CSMD3: variants seen among roughly 807,000 people sequenced by gnomAD.
The protein encoded by CSMD3 is CUB and sushi domain-containing protein 3.
CSMD3 carries 177 observed loss-of-function variants against 435.2 expected under a neutral mutation model. The ratio of observed to expected loss-of-function variants is 0.41; its 90% CI spans 0.36 to 0.46. CSMD3 has a LOEUF of 0.46. Among genes scored for constraint, CSMD3 ranks in the 20% least tolerant of loss-of-function variants. CSMD3 has a pLI of 0.34. For synonymous variants in CSMD3, 1,656 were observed against 1,520.5 expected, an observed-to-expected ratio of 1.09 and a Z score of -2.07; for missense variants, 4,265 against 4,504.6, an observed-to-expected ratio of 0.95 and a Z score of 1.52.
rs570165852 is a variant in CSMD3, at chr8:112,600,818, C to T, written c.3716-13583G>A. Among the ~76,000 whole-genome samples the T allele has an allele frequency of 3.9e-5, 6 of 151,942 alleles. No homozygotes were observed. In the South Asian group the frequency reaches 1.2e-3, roughly 32 times the overall value. On this transcript the variant is annotated intron_variant, in intron 22 of 70. Coordinates refer to ENST00000297405, the MANE Select transcript of CSMD3 (RefSeq NM_198123.2). ...TCAGCCTGCTGAGTAGCTGGGACTA[C>T]AGGCGCCCGCCACTACGCCCAGCTA...
At chr8:112,608,751 A>G (rs1295591928) in intron 22 of CSMD3, among the ~76,000 whole-genome samples, 1 of 152,096 alleles carries the variant, frequency 6.6e-6, no homozygotes, top group African/African-American at 2.4e-5. Flanking sequence ...TGAAGGGGAA[A>G]GAACAGTCTC....
chr8:113,035,526 C>T (rs2087306950), intron 5 of CSMD3, among the ~76,000 whole-genome samples: 1 of 151,888 alleles, frequency 6.6e-6, no homozygotes. Flanking sequence ...GGCCATGAAG[C>T]AACTTTTTGG....
At chr8:113,106,411 C>T (rs968480829) in intron 4 of CSMD3, among the ~76,000 whole-genome samples, 5 of 151,992 alleles carry the variant, frequency 3.3e-5, no homozygotes, top group African/African-American at 1.2e-4. Flanking sequence ...GCAATAGAAA[C>T]TATTCAGAAT....
chr8:112,251,548 G>A (rs945997363), intron 63 of CSMD3, among the ~76,000 whole-genome samples: 6 of 151,136 alleles, frequency 4.0e-5, no homozygotes, highest in African/African-American at 1.5e-4. Flanking sequence ...TATCATTTAA[G>A]GTAATAAAAC....
chr8:112,453,386 C>G (rs1226547255), intron 32 of CSMD3, among the ~76,000 whole-genome samples: 1 of 152,000 alleles, frequency 6.6e-6, no homozygotes, highest in Non-Finnish European at 1.5e-5. Flanking sequence ...CCAAAATGTA[C>G]CTAGACCTGA....
At chr8:113,039,895 G>A (rs1001887224) in intron 5 of CSMD3, among the ~76,000 whole-genome samples, 42 of 152,258 alleles carry the variant, frequency 2.8e-4, no homozygotes, top group Non-Finnish European at 3.4e-4. Flanking sequence ...TCTTACAAAA[G>A]TTAATTGAGC....
intron 11 of CSMD3, among the ~76,000 whole-genome samples, chr8:112,845,291 C>T (rs780358487): frequency 4.6e-5 from 7 of 151,954 alleles, no homozygotes; most frequent in Non-Finnish European, 7.4e-5. Flanking sequence ...AAAATAAGTG[C>T]ACAAACATGT....
intron 3 of CSMD3, among the ~76,000 whole-genome samples, chr8:113,191,872 T>C (rs2092590792): frequency 6.6e-6 from 1 of 151,764 alleles, no homozygotes; most frequent in Non-Finnish European, 1.5e-5. Flanking sequence ...TTCCCTCCAA[T>C]GCATGTGTTC....
At position 112,244,585 on chromosome 8, in the gene CSMD3, A is replaced by G; in HGVS notation, c.10223-12T>C. 1 of 1,612,304 alleles carries G rather than the reference A, an allele frequency of 6.2e-7. No individual in the cohort carries two copies. Reference sequence around the variant, plus strand: ...TTTACAGCTGTGGGCTATATTAAGAAAAGAGAACAATGTAAATTTTCTATA... The same window carrying G: ...TTTACAGCTGTGGGCTATATTAAGAGAAGAGAACAATGTAAATTTTCTATA... On this transcript the variant is annotated splice_polypyrimidine_tract_variant and intron_variant, in intron 64 of 70. Coordinates refer to ENST00000297405, the MANE Select transcript of CSMD3 (RefSeq NM_198123.2).
intron 30 of CSMD3, among the ~76,000 whole-genome samples, chr8:112,494,684 T>A (rs547538805): frequency 7.1e-4 from 108 of 152,076 alleles, no homozygotes; most frequent in Admixed American, 9.2e-4. Context: ...TACAGTCTCT[T>A]AAAGAAAGCA....
rs144008767 is a variant in CSMD3 at position 113,432,431 on chromosome 8, G to A, written c.178+4246C>T. ...CTGCAATGCGCAGCAATCCCTGTGC[G>A]TGCCCCTGTGTCAGCCCCTTAGCTG... is the stretch of plus-strand genomic sequence containing the variant. On this transcript the variant is annotated intron_variant, in intron 1 of 70. Coordinates refer to ENST00000297405, the MANE Select transcript of CSMD3 (RefSeq NM_198123.2). Among the ~76,000 whole-genome samples, 28 of 152,326 alleles carry A rather than the reference G, an allele frequency of 1.8e-4. No homozygotes were observed. The East Asian group carries it at 4.8e-3, about 26-fold the overall frequency.
intron 5 of CSMD3, among the ~76,000 whole-genome samples, chr8:113,092,280 T>C (rs776755658): frequency 3.3e-4 from 50 of 152,114 alleles, no homozygotes; most frequent in Middle Eastern, 3.2e-3. Flanking sequence ...ACTGTATCTA[T>C]CTGTGCCAGT....
At chr8:113,405,498 A>G (rs1360520932) in intron 1 of CSMD3, among the ~76,000 whole-genome samples, 2 of 151,704 alleles carry the variant, frequency 1.3e-5, no homozygotes, top group African/African-American at 2.4e-5. Flanking sequence ...GGGTGATTCT[A>G]TAGAAGTGTT....
chr8:112,809,484 G>T (rs1204503334), intron 12 of CSMD3, among the ~76,000 whole-genome samples: 1 of 152,134 alleles, frequency 6.6e-6, no homozygotes, highest in Non-Finnish European at 1.5e-5. Context: ...TCAACTGAAA[G>T]AAGAAATTCT....
intron 13 of CSMD3, among the ~76,000 whole-genome samples, chr8:112,799,288 AG>A (rs2078904754): frequency 6.6e-6 from 1 of 151,916 alleles, no homozygotes; most frequent in Non-Finnish European, 1.5e-5. Flanking sequence ...CAGAATCAAA[AG>A]CATGACAGTG....
Position 112,371,872 on chromosome 8 carries a change from A to G in CSMD3, c.6136+8480T>C, listed in dbSNP as rs146017837. On this transcript the variant is annotated intron_variant, in intron 38 of 70. Transcript: ENST00000297405. The stretch of plus-strand genomic sequence containing the variant: ...ACCATTGCACTCCAGCCTGAGCGAC[A>G]GAGTGAGACTCTGTCTCAAAAAAAA... 3.2e-3 allele frequency among the ~76,000 whole-genome samples: 491 copies of G among 152,160 alleles called. 4 individuals are homozygous for G. Among genetic ancestry groups the G allele is most frequent in the African/African-American group, 0.012 (478 of 41,534 alleles).
chr8:113,334,915 C>T (rs1032730217), intron 1 of CSMD3, among the ~76,000 whole-genome samples: 1 of 151,940 alleles, frequency 6.6e-6, no homozygotes, highest in Admixed American at 6.6e-5. Context: ...GATATCTCTC[C>T]TTTTAGTCCT....
chr8:113,283,481 C>G (rs572301019), intron 2 of CSMD3, among the ~76,000 whole-genome samples: 1 of 152,016 alleles, frequency 6.6e-6, no homozygotes, highest in African/African-American at 2.4e-5. Flanking sequence ...TGAAAAAATA[C>G]TCAACATCAC....
chr8:112,918,300 A>G (rs1194387161), intron 10 of CSMD3, among the ~76,000 whole-genome samples: 2 of 151,844 alleles, frequency 1.3e-5, no homozygotes, highest in Non-Finnish European at 2.9e-5. Flanking sequence ...GGTTGTTTTT[A>G]GTATTTTCCC....
Sources: allele counts gnomAD v4.1 joint callset (sites outside exome capture counted in the v4.1 genomes callset), GRCh38; gene constraint gnomAD v4.1.1; transcripts MANE v1.5; gene names NCBI Gene and HGNC (gene_info 2026-07-23, HGNC 2026-07-21).